Variants in MTTP observed in about 807,000 individuals in gnomAD.
MTTP encodes microsomal triglyceride transfer protein large subunit.
In MTTP, 49 loss-of-function variants were observed where a neutral mutation model predicts 90.6. The ratio of observed to expected loss-of-function variants is 0.54; its 90% CI spans 0.43 to 0.69. The LOEUF (loss-of-function observed/expected upper bound fraction) is 0.69, where lower values mean the gene tolerates loss of function less well. Ranked by LOEUF, MTTP falls within the 30% of genes least tolerant of loss-of-function variation. The pLI, the probability that MTTP is intolerant of heterozygous loss-of-function variation, is 0.00. For missense variants in MTTP, 945 were observed against 1,067.5 expected (o/e 0.89, Z 1.60); for synonymous variants, 347 against 384.2 (o/e 0.90, Z 1.13).
chr4:99,613,958 T>G (rs1218056147), intron 15 of MTTP, among the ~76,000 whole-genome samples: 2 of 152,174 alleles, frequency 1.3e-5, no homozygotes, highest in Non-Finnish European at 2.9e-5. Context: ...ATTTTCTGCT[T>G]CACTAAGCAT....
chr4:99,585,935 T>G (rs781365323), intron 3 of MTTP, among the ~76,000 whole-genome samples: 4 of 152,172 alleles, frequency 2.6e-5, no homozygotes, highest in African/African-American at 4.8e-5. Context: ...GATCATTACT[T>G]AAATTATCAT....
chr4:99,600,121 A>T (rs1296784140), intron 8 of MTTP, among the ~76,000 whole-genome samples: 2 of 152,168 alleles, frequency 1.3e-5, no homozygotes, highest in Non-Finnish European at 2.9e-5. Context: ...TCCATCAAAT[A>T]ATACTGCTTT....
chr4:99,609,409 G>A (rs544924288), intron 12 of MTTP, among the ~76,000 whole-genome samples: 66 of 152,194 alleles, frequency 4.3e-4, no homozygotes, highest in African/African-American at 1.5e-3. Context: ...TAAAATCTTA[G>A]GCACGGCCCA....
chr4:99,588,978 C>T (rs28758750), intron 3 of MTTP, among the ~76,000 whole-genome samples: 1 of 172 alleles, frequency 5.8e-3, no homozygotes, highest in South Asian at 0.25. Context: ...CATATATATA[C>T]ACACATATAT....
chr4:99,566,410 G>C (rs896272255), intron 1 of MTTP, among the ~76,000 whole-genome samples: 11 of 151,888 alleles, frequency 7.2e-5, no homozygotes, highest in African/African-American at 2.7e-4. Context: ...TAAAAAGAAT[G>C]AGCACATACT....
chr4:99,612,886 C>G (rs1465135555), intron 14 of MTTP, 27 bp from the exon 15 acceptor site: 1 of 1,595,628 alleles, frequency 6.3e-7, no homozygotes, highest in African/African-American at 1.3e-5. Flanking sequence ...GAGCTTGCGT[C>G]ATGAACATTA....
chr4:99,610,067 G>T (rs1370448897), intron 12 of MTTP, among the ~76,000 whole-genome samples: 1 of 152,124 alleles, frequency 6.6e-6, no homozygotes, highest in Admixed American at 6.5e-5. Context: ...AAAAACATTA[G>T]AGTGGGGAGG....
At chr4:99,602,097 T>G (rs2110225727) in intron 10 of MTTP, among the ~76,000 whole-genome samples, 1 of 152,268 alleles carries the variant, frequency 6.6e-6, no homozygotes, top group South Asian at 2.1e-4. Context: ...TATGATATAC[T>G]TCTTGTTTTC....
Position 99,606,816 on chromosome 4 carries a change from G to T in MTTP, c.1413G>T (p.Arg471Ser). ...LEKAEKKEDT[R>S]MYLLALKNAL... The stretch of plus-strand genomic sequence containing the variant: ...AAGCAGAGAAAAAAGAGGACACCAG[G>T]ATGTATCTGCTGGCTTTGAAGAATG... Residue 471 changes from arginine (R) to serine (S), a missense_variant, in exon 11 of 18, where the codon AGG becomes AGT. Transcript: ENST00000265517. 1 of 1,614,090 alleles carries T rather than the reference G, an allele frequency of 6.2e-7. No homozygotes were observed. The highest frequency in any genetic ancestry group is 8.5e-7 in the Non-Finnish European group (1 of 1,180,010).
Position 99,591,239 on chromosome 4 carries a change from A to C in MTTP, c.506A>C (p.Asp169Ala). 6.2e-7 allele frequency: 1 copy of C among 1,603,620 alleles called. No individual in the cohort carries two copies. Among genetic ancestry groups the C allele is most frequent in the Non-Finnish European group, 8.5e-7 (1 of 1,170,646 alleles). The change falls in exon 5 of 18, where the codon GAT (aspartate) becomes GCT (alanine). Residue 169 changes from aspartate to alanine, a missense_variant. Coordinates refer to ENST00000265517, the MANE Select transcript of MTTP (RefSeq NM_001386140.1). ...TGCCCTTGCCTTTCTTTTTAGGTAG[A>C]TATCTCTGGAAATTGTAAAGTGACC... is the stretch of plus-strand genomic sequence containing the variant. ...QLSSGTTNEVDISGNCKVTYQ... is the reference protein window; with the variant it reads ...QLSSGTTNEVAISGNCKVTYQ...
chr4:99,622,148 A>C (rs1473160917), intron 17 of MTTP, among the ~76,000 whole-genome samples: 1 of 152,230 alleles, frequency 6.6e-6, no homozygotes, highest in Non-Finnish European at 1.5e-5. Flanking sequence ...ACATTAAGTT[A>C]TATCTAGAAT....
At chr4:99,619,210 T>C in intron 16 of MTTP, 112 bp downstream of exon 16, 1 of 1,020,388 alleles carries the variant, frequency 9.8e-7, no homozygotes, top group South Asian at 1.3e-5. Flanking sequence ...CTATGCTTTC[T>C]ATTTGGAATT....
In MTTP at chr4:99,621,066, C is replaced by T. The variant is rs572336571; in HGVS notation, c.2348C>T (p.Thr783Ile). 3.7e-6 allele frequency: 6 copies of T among 1,613,986 alleles called. No homozygotes were observed. In the East Asian group the frequency reaches 1.3e-4, roughly 36 times the overall value. The change falls in exon 17 of 18, where the codon ACT becomes ATT. Residue 783 changes from threonine to isoleucine, a missense_variant. Physicochemically the swap from Thr to Ile is moderately conservative, Grantham distance 89. Transcript: ENST00000265517. ...ESKTRVKNRV[T>I]VVITTDITVD... ...TTTTTTTCTCAAATGTTTAGGGTGA[C>T]TGTGGTAATAACCACTGACATCACA...
At chr4:99,622,652 T>C in intron 17 of MTTP, 25 bp from the exon 18 acceptor site, 1 of 1,612,764 alleles carries the variant, frequency 6.2e-7, no homozygotes, top group East Asian at 2.2e-5. Context: ...TGTGTAATTC[T>C]GTTATTGTTG....
At chr4:99,569,010 G>A (rs186517634) in intron 1 of MTTP, among the ~76,000 whole-genome samples, 57 of 152,122 alleles carry the variant, frequency 3.7e-4, no homozygotes, top group African/African-American at 1.2e-3. Context: ...GATGTACATA[G>A]CATTTCCTTC....
chr4:99,597,174 G>A lies in MTTP; in HGVS notation c.1017G>A (p.Ala339=), dbSNP rs772748057. The A allele has an allele frequency of 1.3e-5, 21 of 1,613,858 alleles. No homozygotes were observed. Among genetic ancestry groups the A allele is most frequent in the Admixed American group, 1.7e-5 (1 of 59,992 alleles). ...CCTTCATTCAGCACCTCAGGACTGC[G>A]AAGAAAGAAGAGATCCTTCAAATAC... is the stretch of plus-strand genomic sequence containing the variant. ...FLAFIQHLRT[A]KKEEILQILK... is the part of the protein sequence containing the mutation. Residue 339 remains alanine (A), a synonymous_variant, in exon 8 of 18, where the codon GCG becomes GCA. Transcript: ENST00000265517.
chr4:99,597,019 T>A (rs1402625219), intron 7 of MTTP, 48 bp from the exon 8 acceptor site: 1 of 1,608,612 alleles, frequency 6.2e-7, no homozygotes, highest in South Asian at 1.1e-5. Context: ...TAAATGTGGA[T>A]GTTCACAGTT....
chr4:99,591,150 G>A lies in MTTP; in HGVS notation c.502-85G>A, dbSNP rs1725407627. 4.1e-6 allele frequency: 4 copies of A among 966,148 alleles called. No homozygotes were observed. The Admixed American group carries it at 6.8e-5, about 16-fold the overall frequency. 59.8% of individuals were successfully genotyped at this position (966,148 alleles called of 1,614,324 possible). A position where few individuals can be genotyped will look rare whatever the true frequency, so the allele number is the denominator to read the frequency against. ...AAAAAGTCCCCTATGGCCTATTAGA[G>A]ACCTCAATTTTCAAGCCACTTCTCA... On this transcript the variant is annotated intron_variant, in intron 4 of 17. Transcript: ENST00000265517.
At chr4:99,586,188 T>C (rs1487734672) in intron 3 of MTTP, among the ~76,000 whole-genome samples, 1 of 152,172 alleles carries the variant, frequency 6.6e-6, no homozygotes, top group African/African-American at 2.4e-5. Flanking sequence ...TAGATACATA[T>C]TCATTGCACA....
Sources: gnomAD v4.1 joint callset for allele counts (sites outside exome capture counted in the v4.1 genomes callset) on GRCh38, gnomAD v4.1.1 for gene constraint, MANE v1.5 for transcripts, NCBI Gene and HGNC (gene_info 2026-07-23, HGNC 2026-07-21) for gene names.